The following TSHZ2 variants were observed in gnomAD, a reference collection of about 807,000 sequenced individuals.
TSHZ2 encodes the protein teashirt zinc finger homeobox 2, also known as teashirt homolog 2.
TSHZ2 carries 21 observed loss-of-function variants against 74.4 expected under a neutral mutation model. The ratio of observed to expected loss-of-function variants is 0.28; its 90% CI spans 0.20 to 0.41. The LOEUF is 0.41. TSHZ2 is among the 10% of genes least tolerant of loss of function. TSHZ2 has a pLI of 1.00. For missense variants in TSHZ2, 1,244 were observed against 1,293.5 expected (o/e 0.96, Z 0.59); for synonymous variants, 540 against 515.3 (o/e 1.05, Z -0.65).
At chr20:53,010,707 A>G (rs1275072569) in intron 1 of TSHZ2, among the ~76,000 whole-genome samples, 1 of 152,224 alleles carries the variant, frequency 6.6e-6, no homozygotes. Context: ...AACCACCAAT[A>G]TGGCTTTGTA....
intron 2 of TSHZ2, among the ~76,000 whole-genome samples, chr20:53,329,353 T>C (rs1047006448): frequency 6.6e-6 from 1 of 151,878 alleles, no homozygotes; most frequent in Non-Finnish European, 1.5e-5. Context: ...ACTAAAAGAG[T>C]CTGTCTTCTC....
At chr20:53,146,191 A>G (rs1434608440) in intron 1 of TSHZ2, among the ~76,000 whole-genome samples, 1 of 151,504 alleles carries the variant, frequency 6.6e-6, no homozygotes, top group Non-Finnish European at 1.5e-5. Context: ...AAGCAGATTC[A>G]TTGTCAGATA....
intron 1 of TSHZ2, among the ~76,000 whole-genome samples, chr20:53,124,689 CTCTT>C (rs1299918461): frequency 6.6e-6 from 1 of 152,106 alleles, no homozygotes; most frequent in Non-Finnish European, 1.5e-5. Flanking sequence ...CTATACTAAA[CTCTT>C]TCTTTGCATT....
At chr20:53,319,672 A>C (rs900522696) in intron 2 of TSHZ2, among the ~76,000 whole-genome samples, 4 of 152,264 alleles carry the variant, frequency 2.6e-5, no homozygotes, top group Admixed American at 2.0e-4. Context: ...TCCGGATCTC[A>C]TGTGGGCTCT....
intron 2 of TSHZ2, among the ~76,000 whole-genome samples, chr20:53,404,733 G>T (rs575620761): frequency 6.6e-6 from 1 of 152,196 alleles, no homozygotes; most frequent in South Asian, 2.1e-4. Context: ...ATCAGATAAG[G>T]TTTATTAACG....
intron 1 of TSHZ2, among the ~76,000 whole-genome samples, chr20:53,162,769 T>G (rs1987972915): frequency 6.6e-6 from 1 of 152,174 alleles, no homozygotes; most frequent in Admixed American, 6.5e-5. Flanking sequence ...ACCTTGCACA[T>G]TCTAACTATT....
chr20:53,333,646 C>T (rs574430808), intron 2 of TSHZ2, among the ~76,000 whole-genome samples: 3 of 152,148 alleles, frequency 2.0e-5, no homozygotes, highest in Non-Finnish European at 4.4e-5. Context: ...TTAGTAGAGA[C>T]GGGGTTTCAC....
intron 1 of TSHZ2, among the ~76,000 whole-genome samples, chr20:53,138,201 T>C (rs1335590555): frequency 3.3e-5 from 5 of 151,978 alleles, no homozygotes; most frequent in Non-Finnish European, 7.4e-5. Flanking sequence ...GCTAACACGG[T>C]GAAACCCCGT....
intron 2 of TSHZ2, among the ~76,000 whole-genome samples, chr20:53,261,924 A>C (rs547313230): frequency 2.0e-5 from 3 of 152,334 alleles, no homozygotes; most frequent in African/African-American, 7.2e-5. Context: ...GAAAATAAAG[A>C]GCTAAATTGT....
chr20:53,194,229 AC>A (rs1988805821), intron 1 of TSHZ2, among the ~76,000 whole-genome samples: 1 of 152,226 alleles, frequency 6.6e-6, no homozygotes, highest in Admixed American at 6.5e-5. Context: ...GCTGTTGCTT[AC>A]ATAGAATGTC....
chr20:53,217,436 A>G (rs1272806635), intron 1 of TSHZ2, among the ~76,000 whole-genome samples: 2 of 152,148 alleles, frequency 1.3e-5, no homozygotes, highest in Admixed American at 1.3e-4. Flanking sequence ...GCAGAAAGGG[A>G]TAACAGATGG....
intron 1 of TSHZ2, among the ~76,000 whole-genome samples, chr20:53,164,602 G>A (rs963298172): frequency 8.5e-5 from 13 of 152,134 alleles, no homozygotes; most frequent in African/African-American, 2.7e-4. Flanking sequence ...GTTAGCTAGT[G>A]CAACTAAGAA....
chr20:53,084,625 TCCTC>T lies in TSHZ2; in HGVS notation c.40+111309_40+111312del, dbSNP rs1164845134. On this transcript the variant is annotated intron_variant, in intron 1 of 2. Transcript: ENST00000371497. ...GTTTTTCTTCCTTTCCAACCAAACT[TCCTC>T]CCTCCCTCCCTCCCTCTCTCCCTCT... Among the ~76,000 whole-genome samples the T allele has an allele frequency of 7.7e-5, 11 of 143,496 alleles. 1 individual carries two copies. Among genetic ancestry groups the T allele is most frequent in the African/African-American group, 1.6e-4 (6 of 38,052 alleles). 94.1% of individuals were successfully genotyped at this position (143,496 alleles called of 152,430 possible). A position where few individuals can be genotyped will look rare whatever the true frequency, so the allele number is the denominator to read the frequency against.
chr20:53,091,068 A>G (rs2123261061), intron 1 of TSHZ2, among the ~76,000 whole-genome samples: 1 of 152,360 alleles, frequency 6.6e-6, no homozygotes, highest in Admixed American at 6.5e-5. Context: ...TAAGTGGTAC[A>G]CAGATAAACT....
chr20:53,185,728 C>A (rs968772193), intron 1 of TSHZ2: 24 of 1,535,530 alleles, frequency 1.6e-5, no homozygotes, highest in Non-Finnish European at 1.9e-5. Flanking sequence ...TGGCTCTATT[C>A]TCTTGCTAAA....
At chr20:53,332,782 G>T (rs1194212495) in intron 2 of TSHZ2, among the ~76,000 whole-genome samples, 1 of 152,162 alleles carries the variant, frequency 6.6e-6, no homozygotes, top group Non-Finnish European at 1.5e-5. Flanking sequence ...AAGGCGCAGA[G>T]ACCTGATGCC....
At chr20:53,229,722 GA>G (rs1463597382) in intron 1 of TSHZ2, among the ~76,000 whole-genome samples, 1 of 150,112 alleles carries the variant, frequency 6.7e-6, no homozygotes, top group African/African-American at 2.4e-5. Context: ...AATTGGGAGA[GA>G]AAAGAAAGAA....
intron 2 of TSHZ2, chr20:53,412,697 T>C (rs1470984576): frequency 3.3e-5 from 5 of 152,420 alleles, no homozygotes; most frequent in African/African-American, 9.7e-5. Context: ...AGCCCCTGAC[T>C]AAGGGACAGC....
intron 1 of TSHZ2, among the ~76,000 whole-genome samples, chr20:53,050,839 G>A (rs772100099): frequency 5.9e-5 from 9 of 152,148 alleles, no homozygotes; most frequent in East Asian, 1.9e-4. Context: ...TGGGAGCTGC[G>A]TGTATCAACA....
Sources: allele counts gnomAD v4.1 joint callset (sites outside exome capture counted in the v4.1 genomes callset), GRCh38; gene constraint gnomAD v4.1.1; transcripts MANE v1.5; gene names NCBI Gene and HGNC (gene_info 2026-07-23, HGNC 2026-07-21).